The following ZBED5 variants were observed in gnomAD, a reference collection of about 807,000 sequenced individuals.
The protein encoded by ZBED5 is zinc finger BED-type containing 5, also known as zinc finger BED domain-containing protein 5.
In ZBED5, 29 loss-of-function variants were observed where a neutral mutation model predicts 49.2. The ratio of observed to expected loss-of-function variants is 0.59; its 90% CI spans 0.44 to 0.80. ZBED5 has a LOEUF of 0.80. ZBED5 is among the 30% of genes least tolerant of loss of function. The pLI is 0.00. For missense variants in ZBED5, 775 were observed against 812.9 expected (o/e 0.95, Z 0.57); for synonymous variants, 281 against 292.5 (o/e 0.96, Z 0.40).
In ZBED5 at chr11:10,854,453, T is replaced by G; in HGVS notation, c.493A>C (p.Ile165Leu). The G allele has an allele frequency of 6.4e-7, 1 of 1,551,450 alleles. No individual in the cohort carries two copies. Among genetic ancestry groups the G allele is most frequent in the African/African-American group, 1.4e-5 (1 of 73,144 alleles). ...TKHAAYKDKD[I>L]SFFKQHLDSP... ...TCGAGATGTTGCTTGAAAAAGCTTA[T>G]GTCTTTGTCTTTATATGCAGCATGT... Residue 165 changes from isoleucine to leucine, a missense_variant, in exon 3 of 3, where the codon ATA (isoleucine) becomes CTA (leucine). Physicochemically the swap from Ile to Leu is conservative, Grantham distance 5 (BLOSUM62 2). Coordinates refer to ENST00000413761, the MANE Select transcript of ZBED5 (RefSeq NM_001143667.2). This position sits in a 1 kb window ranked among gnomAD's most constrained non-coding sequence, Gnocchi z 5.0.
rs1481084848 is a variant in ZBED5, at chr11:10,854,864, A to T, written c.82T>A (p.Phe28Ile). 1.0e-5 allele frequency: 16 copies of T among 1,551,782 alleles called. No homozygotes were observed. Among genetic ancestry groups the T allele is most frequent in the African/African-American group, 1.4e-5 (1 of 73,054 alleles). Residue 28 changes from phenylalanine to isoleucine, a missense_variant, in exon 3 of 3, where the codon TTT becomes ATT. Physicochemically the swap from Phe to Ile is conservative, Grantham distance 21. Coordinates refer to ENST00000413761, the MANE Select transcript of ZBED5 (RefSeq NM_001143667.2). The surrounding 1 kb of genome is among the most constrained non-coding windows in gnomAD (Gnocchi z 5.0). Reference protein sequence around the residue: ...ILNVYSKLTMFCTTNSLPMDL... With the variant: ...ILNVYSKLTMICTTNSLPMDL... ...ATGGGCAATGAGTTTGTGGTACAAA[A>T]CATGGTTAATTTAGAATAGACATTG...
At position 10,852,849 on chromosome 11, in the gene ZBED5, C is replaced by T; in HGVS notation, c.*15G>A. Reference sequence around the variant, plus strand: ...TTACATTTGGTTATCATGAGACATGCAAACTCCTCCAATTTTAATGAGAAC... The same window carrying T: ...TTACATTTGGTTATCATGAGACATGTAAACTCCTCCAATTTTAATGAGAAC... On this transcript the variant is annotated 3_prime_UTR_variant, in exon 3 of 3. Coordinates refer to ENST00000413761, the MANE Select transcript of ZBED5 (RefSeq NM_001143667.2). 6.6e-7 allele frequency: 1 copy of T among 1,505,554 alleles called. No homozygotes were observed. The highest frequency in any genetic ancestry group is 8.9e-7 in the Non-Finnish European group (1 of 1,117,378). 93.3% of individuals were successfully genotyped at this position (1,505,554 alleles called of 1,614,324 possible). A position where few individuals can be genotyped will look rare whatever the true frequency, so the allele number is the denominator to read the frequency against.
chr11:10,854,999 A>G lies in ZBED5; in HGVS notation c.-54T>C. 8 of 1,512,960 alleles carry G rather than the reference A, an allele frequency of 5.3e-6. No homozygotes were observed. The highest frequency in any genetic ancestry group is 7.1e-6 in the Non-Finnish European group (8 of 1,127,312). The allele number at this position is 1,512,960 out of a possible 1,614,324, so 93.7% of individuals were successfully genotyped here. A position where few individuals can be genotyped will look rare whatever the true frequency, so the allele number is the denominator to read the frequency against. On this transcript the variant is annotated 5_prime_UTR_variant, in exon 3 of 3. It removes an upstream start codon present in the reference 5' UTR. Coordinates refer to ENST00000413761, the MANE Select transcript of ZBED5 (RefSeq NM_001143667.2). This position sits in a 1 kb window ranked among gnomAD's most constrained non-coding sequence, Gnocchi z 5.0. ...GTTAATTTGTAAATGCTGCCTATTC[A>G]TCAATGCGCAGATGGAACATCATAC...
In ZBED5 at chr11:10,853,085, T is replaced by C. The variant is rs1419174733; in HGVS notation, c.1861A>G (p.Ile621Val). The C allele has an allele frequency of 6.4e-7, 1 of 1,551,664 alleles. No individual in the cohort carries two copies. Among genetic ancestry groups the C allele is most frequent in the Non-Finnish European group, 8.7e-7 (1 of 1,146,964 alleles). ...CTTGCAATGCTTGGGTATTCCTGAA[T>C]TAGGCTACTCCAAAAATCATTTAGT... ...LSLNDFWSSL[I>V]QEYPSIARRA... is the part of the protein sequence containing the mutation. Residue 621 changes from isoleucine (I) to valine (V), a missense_variant, in exon 3 of 3, where the codon ATT (isoleucine) becomes GTT (valine). Ile to Val is a conservative substitution (Grantham distance 29). Coordinates refer to ENST00000413761, the MANE Select transcript of ZBED5 (RefSeq NM_001143667.2). The surrounding 1 kb of genome is among the most constrained non-coding windows in gnomAD (Gnocchi z 5.4).
Position 10,855,354 on chromosome 11 carries a change from G to A in ZBED5, c.-141-268C>T, listed in dbSNP as rs1848166591. On this transcript the variant is annotated intron_variant, in intron 2 of 2. Transcript: ENST00000413761. This position sits in a 1 kb window ranked among gnomAD's most constrained non-coding sequence, Gnocchi z 4.1. Reference sequence around the variant, plus strand: ...AGAATATGTCCCATGGCAGGGGTTGGCAGGCTTTTTTTGGTCAAGGGCCAT... The same window carrying A: ...AGAATATGTCCCATGGCAGGGGTTGACAGGCTTTTTTTGGTCAAGGGCCAT... 6.6e-6 allele frequency among the ~76,000 whole-genome samples: 1 copy of A among 152,098 alleles called. No individual in the cohort carries two copies. Among genetic ancestry groups the A allele is most frequent in the South Asian group, 2.1e-4 (1 of 4,826 alleles).
chr11:10,853,021 T>C lies in ZBED5; in HGVS notation c.1925A>G (p.His642Arg). Residue 642 changes from histidine to arginine, a missense_variant, in exon 3 of 3, where the codon CAC becomes CGC. Coordinates refer to ENST00000413761, the MANE Select transcript of ZBED5 (RefSeq NM_001143667.2). This position sits in a 1 kb window ranked among gnomAD's most constrained non-coding sequence, Gnocchi z 5.4. ...ATATGAAAACCCCGTTTCACACAGGTGCATTGTAGCAAAAGGAAGAAGTAC... is the reference window on the plus strand; with the variant it reads ...ATATGAAAACCCCGTTTCACACAGGCGCATTGTAGCAAAAGGAAGAAGTAC... ...VRVLLPFATM[H>R]LCETGFSYYA... 1.3e-6 allele frequency: 2 copies of C among 1,551,640 alleles called. No homozygotes were observed. The highest frequency in any genetic ancestry group is 1.7e-6 in the Non-Finnish European group (2 of 1,146,948).
intron 1 of ZBED5, among the ~76,000 whole-genome samples, chr11:10,856,547 A>G (rs938883103): frequency 3.9e-5 from 6 of 152,190 alleles, no homozygotes; most frequent in African/African-American, 7.2e-5. Context: ...ACTAAGCCTA[A>G]TTTTTAAAAG....
chr11:10,854,674 T>G lies in ZBED5; in HGVS notation c.272A>C (p.Lys91Thr). 1 of 1,551,418 alleles carries G rather than the reference T, an allele frequency of 6.4e-7. No individual in the cohort carries two copies. The highest frequency in any genetic ancestry group is 8.7e-7 in the Non-Finnish European group (1 of 1,146,914). Residue 91 changes from lysine (K) to threonine (T), a missense_variant, in exon 3 of 3, where the codon AAA (lysine) becomes ACA (threonine). Physicochemically the swap from Lys to Thr is moderately conservative, Grantham distance 78. Coordinates refer to ENST00000413761, the MANE Select transcript of ZBED5 (RefSeq NM_001143667.2). This position sits in a 1 kb window ranked among gnomAD's most constrained non-coding sequence, Gnocchi z 5.0. Reference sequence around the variant, plus strand: ...TATTTTGTTGGAATTGGATATAAATTTGACCCTGGAAAGCTCACCTTCTGA... The same window carrying G: ...TATTTTGTTGGAATTGGATATAAATGTGACCCTGGAAAGCTCACCTTCTGA... ...KKSEGELSRV[K>T]FISNSNKITF...
At position 10,854,569 on chromosome 11, in the gene ZBED5, T is replaced by G; in HGVS notation, c.377A>C (p.Asp126Ala). 1 of 1,551,444 alleles carries G rather than the reference T, an allele frequency of 6.4e-7. No homozygotes were observed. Among genetic ancestry groups the G allele is most frequent in the Non-Finnish European group, 8.7e-7 (1 of 1,146,906 alleles). Reference sequence around the variant, plus strand: ...TAATACACACTGAGCATGAGGTGCATCTCTATTTCCGAAGTAAGTAAATCC... The same window carrying G: ...TAATACACACTGAGCATGAGGTGCAGCTCTATTTCCGAAGTAAGTAAATCC... ...SFGFTYFGNR[D>A]APHAQCVLCK... The change falls in exon 3 of 3, where the codon GAT becomes GCT. Residue 126 changes from aspartate to alanine, a missense_variant. Transcript: ENST00000413761. This position sits in a 1 kb window ranked among gnomAD's most constrained non-coding sequence, Gnocchi z 5.0.
chr11:10,857,909 A>C lies in ZBED5; in HGVS notation c.-303T>G. 1 of 156,176 alleles carries C rather than the reference A, an allele frequency of 6.4e-6. No homozygotes were observed. 9.7% of individuals were successfully genotyped at this position (156,176 alleles called of 1,614,324 possible). ...TCAACAGCCAGTCGTCGTGGACTGG[A>C]GGGGGAGGGGAGAGAGGGAGGGGAA... On this transcript the variant is annotated 5_prime_UTR_variant, in exon 1 of 3. Transcript: ENST00000413761. The surrounding 1 kb of genome is among the most constrained non-coding windows in gnomAD (Gnocchi z 6.3).
intron 1 of ZBED5, among the ~76,000 whole-genome samples, chr11:10,856,965 G>C (rs1446375811): frequency 6.6e-6 from 1 of 152,194 alleles, no homozygotes; most frequent in African/African-American, 2.4e-5. Context: ...ACTAGGAGTT[G>C]GGTTATGCAG....
chr11:10,853,071 TG>T lies in ZBED5; in HGVS notation c.1874del (p.Pro625GlnfsTer83). 4.5e-6 allele frequency: 7 copies of T among 1,551,628 alleles called. No individual in the cohort carries two copies. Among genetic ancestry groups the T allele is most frequent in the Non-Finnish European group, 6.1e-6 (7 of 1,146,916 alleles). ...CACGCACTGCACGCCTTGCAATGCT[TG>T]GGTATTCCTGAATTAGGCTACTCCA... ...DFWSSLIQEY[P>X]SIARRAVRVL... is the part of the protein sequence containing the mutation. On this transcript the variant is annotated frameshift_variant, in exon 3 of 3. Transcript: ENST00000413761. LOFTEE classifies it high-confidence loss of function. The surrounding 1 kb of genome is among the most constrained non-coding windows in gnomAD (Gnocchi z 5.4).
In ZBED5 at chr11:10,853,693, T is replaced by G; in HGVS notation, c.1253A>C (p.Glu418Ala). ...AAGTGCTGTGTGCTGAGCACCCATT[T>G]CCTCACATAAAATTTTTAATAGTCT... is the stretch of plus-strand genomic sequence containing the variant. ...QSRLLKILCE[E>A]MGAQHTALLL... The change falls in exon 3 of 3, where the codon GAA becomes GCA. Residue 418 changes from glutamate (E) to alanine (A), a missense_variant. Glu to Ala is a moderately radical substitution (Grantham distance 107). Transcript: ENST00000413761. This position sits in a 1 kb window ranked among gnomAD's most constrained non-coding sequence, Gnocchi z 5.4. 1 of 1,551,636 alleles carries G rather than the reference T, an allele frequency of 6.4e-7. No individual in the cohort carries two copies. Among genetic ancestry groups the G allele is most frequent in the Non-Finnish European group, 8.7e-7 (1 of 1,146,946 alleles).
chr11:10,857,393 G>C lies in ZBED5; in HGVS notation c.-256+469C>G, dbSNP rs973350309. On this transcript the variant is annotated intron_variant, in intron 1 of 2. Coordinates refer to ENST00000413761, the MANE Select transcript of ZBED5 (RefSeq NM_001143667.2). This position sits in a 1 kb window ranked among gnomAD's most constrained non-coding sequence, Gnocchi z 6.3. ...TTCTCCCCTATCTTCGGGCGGTTCC[G>C]GCTGGGAACAATACCCTCAGGGTCA... 4 of 152,174 alleles carry C rather than the reference G, an allele frequency of 2.6e-5. No homozygotes were observed. The highest frequency in any genetic ancestry group is 6.6e-5 in the Admixed American group (1 of 15,266). The allele number at this position is 152,174 out of a possible 1,614,324, so 9.4% of individuals were successfully genotyped here.
Position 10,853,663 on chromosome 11 carries a change from A to G in ZBED5, c.1283T>C (p.Leu428Pro), listed in dbSNP as rs372065088. The G allele has an allele frequency of 6.4e-7, 1 of 1,551,578 alleles. No individual in the cohort carries two copies. The highest frequency in any genetic ancestry group is 8.7e-7 in the Non-Finnish European group (1 of 1,146,860). The stretch of plus-strand genomic sequence containing the variant: ...AGAAAGCCACCTCACCTCTGTATTT[A>G]GAAGAAGTGCTGTGTGCTGAGCACC... The part of the protein sequence containing the change: ...EMGAQHTALL[L>P]NTEVRWLSRG... Residue 428 changes from leucine to proline, a missense_variant, in exon 3 of 3, where the codon CTA becomes CCA. Transcript: ENST00000413761. The surrounding 1 kb of genome is among the most constrained non-coding windows in gnomAD (Gnocchi z 5.4).
Position 10,853,049 on chromosome 11 carries a change from G to C in ZBED5, c.1897C>G (p.Arg633Gly). 1 of 1,551,550 alleles carries C rather than the reference G, an allele frequency of 6.4e-7. No individual in the cohort carries two copies. Among genetic ancestry groups the C allele is most frequent in the Non-Finnish European group, 8.7e-7 (1 of 1,146,898 alleles). Residue 633 changes from arginine (R) to glycine (G), a missense_variant, in exon 3 of 3, where the codon CGT becomes GGT. By Grantham distance (125) the Arg-to-Gly change is moderately radical. Transcript: ENST00000413761. This position sits in a 1 kb window ranked among gnomAD's most constrained non-coding sequence, Gnocchi z 5.4. ...EYPSIARRAV[R>G]VLLPFATMHL... ...ATTGTAGCAAAAGGAAGAAGTACAC[G>C]CACTGCACGCCTTGCAATGCTTGGG...
At position 10,853,930 on chromosome 11, in the gene ZBED5, A is replaced by T; in HGVS notation, c.1016T>A (p.Val339Asp). 6.4e-7 allele frequency: 1 copy of T among 1,551,584 alleles called. No homozygotes were observed. Among genetic ancestry groups the T allele is most frequent in the Non-Finnish European group, 8.7e-7 (1 of 1,146,946 alleles). ...QKHEIEWEKC[V>D]DVCSDASRAV... ...CCTAGAAGCATCACTACAAACATCA[A>T]CACATTTTTCCCATTCAATTTCATG... Residue 339 changes from valine to aspartate, a missense_variant, in exon 3 of 3, where the codon GTT becomes GAT. Val to Asp is a radical substitution (Grantham distance 152). Transcript: ENST00000413761. The surrounding 1 kb of genome is among the most constrained non-coding windows in gnomAD (Gnocchi z 5.4).
chr11:10,852,710 T>C lies in ZBED5; in HGVS notation c.*154A>G. ...AATACCAATAATAACACAATATGTT[T>C]AAAACGTTTGATTCTTTAGCCTTCT... is the stretch of plus-strand genomic sequence containing the variant. On this transcript the variant is annotated 3_prime_UTR_variant, in exon 3 of 3. Coordinates refer to ENST00000413761, the MANE Select transcript of ZBED5 (RefSeq NM_001143667.2). The C allele has an allele frequency of 4.8e-6, 6 of 1,243,114 alleles. No homozygotes were observed. The South Asian group carries it at 9.3e-5, about 19-fold the overall frequency. The allele number at this position is 1,243,114 out of a possible 1,614,324, so 77.0% of individuals were successfully genotyped here.
At position 10,853,231 on chromosome 11, in the gene ZBED5, G is replaced by C. The variant is rs570423062; in HGVS notation, c.1715C>G (p.Ala572Gly). 5 of 1,551,486 alleles carry C rather than the reference G, an allele frequency of 3.2e-6. No individual in the cohort carries two copies. The highest frequency in any genetic ancestry group is 4.4e-6 in the Non-Finnish European group (5 of 1,146,832). Reference protein sequence around the residue: ...KYFPVTNDNNAWVRNPFTVTV... With the variant: ...KYFPVTNDNNGWVRNPFTVTV... The stretch of plus-strand genomic sequence containing the variant: ...AACTGTAAATGGATTTCTAACCCAA[G>C]CATTATTGTCATTTGTTACAGGAAA... The change falls in exon 3 of 3, where the codon GCT becomes GGT. Residue 572 changes from alanine to glycine, a missense_variant. Transcript: ENST00000413761. This position sits in a 1 kb window ranked among gnomAD's most constrained non-coding sequence, Gnocchi z 5.4.
Sources: gnomAD v4.1 joint callset for allele counts (sites outside exome capture counted in the v4.1 genomes callset) on GRCh38, gnomAD v4.1.1 for gene constraint, Gnocchi (gnomAD v3.1) non-coding constraint, MANE v1.5 for transcripts, NCBI Gene and HGNC (gene_info 2026-07-23, HGNC 2026-07-21) for gene names.